UBE2V2: variants seen among roughly 807,000 people sequenced by gnomAD.
The protein encoded by UBE2V2 is ubiquitin conjugating enzyme E2 V2.
Under a neutral mutation model 17.2 loss-of-function variants are expected in UBE2V2, and 9 were observed. The ratio of observed to expected loss-of-function variants is 0.52; its 90% CI spans 0.32 to 0.91. The LOEUF (loss-of-function observed/expected upper bound fraction) is 0.91. Ranked by LOEUF, UBE2V2 falls within the 40% of genes least tolerant of loss-of-function variation. The probability of loss-of-function intolerance (pLI) is 0.04; values close to 1 mark genes in which losing one functional copy is unlikely to be tolerated. For synonymous variants in UBE2V2, 61 were observed against 57.5 expected, an observed-to-expected ratio of 1.06 and a Z score of -0.28; for missense variants, 133 against 182.6, an observed-to-expected ratio of 0.73 and a Z score of 1.56.
At chr8:48,051,355 T>C (rs2091536977) in intron 3 of UBE2V2, among the ~76,000 whole-genome samples, 1 of 152,154 alleles carries the variant, frequency 6.6e-6, no homozygotes, top group African/African-American at 2.4e-5. Flanking sequence ...ATGAGTATCA[T>C]CCATCTTAGG....
At chr8:47,997,913 G>A in the UBE2V2 span, among the ~76,000 whole-genome samples, 5 of 151,940 alleles carry the variant, frequency 3.3e-5, no homozygotes, top group East Asian at 1.9e-4. Context: ...CAAAGGAGGC[G>A]AAGTCATCGG....
chr8:48,013,296 A>G lies in UBE2V2; in HGVS notation c.16+4826A>G, dbSNP rs573895215. On this transcript the variant is annotated intron_variant, in intron 1 of 3. Coordinates refer to ENST00000523111, the MANE Select transcript of UBE2V2 (RefSeq NM_003350.3). Reference sequence around the variant, plus strand: ...GACTTCATCCAGGATACCACATTACATTGTAACGTGAAACTTTTTTTTTTT... The same window carrying G: ...GACTTCATCCAGGATACCACATTACGTTGTAACGTGAAACTTTTTTTTTTT... Among the ~76,000 whole-genome samples, 7 of 149,690 alleles carry G rather than the reference A, an allele frequency of 4.7e-5. No individual in the cohort carries two copies. The South Asian group carries it at 1.3e-3, about 27-fold the overall frequency.
intron 2 of UBE2V2, among the ~76,000 whole-genome samples, chr8:48,047,877 A>G (rs1281763964): frequency 6.6e-6 from 1 of 152,158 alleles, no homozygotes; most frequent in African/African-American, 2.4e-5. Context: ...AGGGGATAAA[A>G]TCAAAGGTGT....
intron 3 of UBE2V2, among the ~76,000 whole-genome samples, chr8:48,052,369 T>C (rs2091544324): frequency 6.6e-6 from 1 of 152,226 alleles, no homozygotes; most frequent in Non-Finnish European, 1.5e-5. Context: ...TGGTGTGTTC[T>C]ACATTGTCAT....
intron 1 of UBE2V2, among the ~76,000 whole-genome samples, chr8:48,016,196 C>T (rs775515048): frequency 7.2e-5 from 11 of 152,144 alleles, no homozygotes; most frequent in Non-Finnish European, 1.0e-4. Context: ...CGCGCTCAGC[C>T]TATCCATTTG....
chr8:48,031,780 CGAGTA>C (rs2091384870), intron 1 of UBE2V2, among the ~76,000 whole-genome samples: 1 of 151,934 alleles, frequency 6.6e-6, no homozygotes, highest in Non-Finnish European at 1.5e-5. Flanking sequence ...CTCAGCCTCC[CGAGTA>C]GAGGTGTGTG....
chr8:48,008,374 G>T (rs768077436), upstream of UBE2V2: 51 of 1,527,396 alleles, frequency 3.3e-5, no homozygotes, highest in Non-Finnish European at 4.1e-5. Flanking sequence ...GCTGTGACGC[G>T]TGCAGGGCGG....
At chr8:48,007,655 T>A (rs2091193271), upstream of UBE2V2, among the ~76,000 whole-genome samples, 1 of 147,492 alleles carries the variant, frequency 6.8e-6, no homozygotes, top group Admixed American at 6.8e-5. Flanking sequence ...GTTCAAGCCA[T>A]CCTCCTGCCT....
At position 48,061,496 on chromosome 8, in the gene UBE2V2, A is replaced by G. The variant is rs1315328892; in HGVS notation, c.*668A>G. On this transcript the variant is annotated 3_prime_UTR_variant, in exon 4 of 4. Coordinates refer to ENST00000523111, the MANE Select transcript of UBE2V2 (RefSeq NM_003350.3). The stretch of plus-strand genomic sequence containing the variant: ...TTTAAGTGAAGTCAACAAAAAGGAA[A>G]TAGGTGTATGGATATGTGATTTTGA... The G allele has an allele frequency of 6.6e-6, 1 of 152,656 alleles. No homozygotes were observed. Among genetic ancestry groups the G allele is most frequent in the Non-Finnish European group, 1.5e-5 (1 of 68,034 alleles). 9.5% of individuals were successfully genotyped at this position (152,656 alleles called of 1,614,324 possible). A position where few individuals can be genotyped will look rare whatever the true frequency, so the allele number is the denominator to read the frequency against.
At chr8:48,018,017 A>G (rs1277711801) in intron 1 of UBE2V2, among the ~76,000 whole-genome samples, 1 of 151,792 alleles carries the variant, frequency 6.6e-6, no homozygotes, top group Non-Finnish European at 1.5e-5. Flanking sequence ...TTGTATTTTT[A>G]GTAGAGATGG....
chr8:48,035,205 TC>T lies in UBE2V2; in HGVS notation c.17-7825del, dbSNP rs1261952597. On this transcript the variant is annotated intron_variant, in intron 1 of 3. Transcript: ENST00000523111. ...ATCTCAGCTCACTGCTACTTCTGCC[TC>T]CCGGGTTCAAGCAATTCTCATGTCT... 4.5e-6 allele frequency: 4 copies of T among 883,790 alleles called. No individual in the cohort carries two copies. The African/African-American group carries it at 5.8e-5, about 13-fold the overall frequency. 54.7% of individuals were successfully genotyped at this position (883,790 alleles called of 1,614,324 possible).
rs558915261 is a variant in UBE2V2 at position 48,020,386 on chromosome 8, G to A, written c.16+11916G>A. Among the ~76,000 whole-genome samples, 3 of 152,118 alleles carry A rather than the reference G, an allele frequency of 2.0e-5. No individual in the cohort carries two copies. The South Asian group carries it at 6.2e-4, about 32-fold the overall frequency. On this transcript the variant is annotated intron_variant, in intron 1 of 3. Coordinates refer to ENST00000523111, the MANE Select transcript of UBE2V2 (RefSeq NM_003350.3). ...ATTCCTTCACCTTCAGTCTACATGT[G>A]TCCGTACAGGTGAGGTGAGTCTTTT...
chr8:47,999,113 C>A, the UBE2V2 span, among the ~76,000 whole-genome samples: 1 of 152,136 alleles, frequency 6.6e-6, no homozygotes, highest in Non-Finnish European at 1.5e-5. Context: ...CGGCTGGCTT[C>A]ACCATGGCCC....
chr8:48,002,395 T>C, the UBE2V2 span, among the ~76,000 whole-genome samples: 99 of 152,342 alleles, frequency 6.5e-4, no homozygotes, highest in Middle Eastern at 0.01. Context: ...TGGGTGAACC[T>C]GGAGGACCTT....
intron 1 of UBE2V2, among the ~76,000 whole-genome samples, chr8:48,030,074 A>G (rs1386744157): frequency 6.6e-6 from 1 of 152,184 alleles, no homozygotes; most frequent in African/African-American, 2.4e-5. Flanking sequence ...ATTCTTAGCT[A>G]CCTCACTGGA....
At chr8:48,006,969 CT>C (rs1270365997), upstream of UBE2V2, among the ~76,000 whole-genome samples, 8 of 152,126 alleles carry the variant, frequency 5.3e-5, no homozygotes, top group East Asian at 1.4e-3. Flanking sequence ...CAAGCTCCAA[CT>C]CCCGGGTTCA....
chr8:47,999,960 C>G, the UBE2V2 span, among the ~76,000 whole-genome samples: 33 of 152,184 alleles, frequency 2.2e-4, no homozygotes, highest in Non-Finnish European at 4.3e-4. Flanking sequence ...TGGAACAGAA[C>G]AGGACAGGGA....
intron 1 of UBE2V2, among the ~76,000 whole-genome samples, chr8:48,037,288 A>G (rs1285756109): frequency 1.3e-5 from 2 of 152,248 alleles, no homozygotes; most frequent in African/African-American, 2.4e-5. Flanking sequence ...GGCTTTAGAA[A>G]TAATGTGTTT....
chr8:48,046,483 C>A (rs998655930), intron 2 of UBE2V2, among the ~76,000 whole-genome samples: 2 of 152,124 alleles, frequency 1.3e-5, no homozygotes, highest in East Asian at 3.8e-4. Flanking sequence ...AGACTCCCGA[C>A]CTCAGATGAT....
Sources: gnomAD v4.1 joint callset for allele counts (sites outside exome capture counted in the v4.1 genomes callset) on GRCh38, gnomAD v4.1.1 for gene constraint, MANE v1.5 for transcripts, NCBI Gene and HGNC (gene_info 2026-07-23, HGNC 2026-07-21) for gene names.